Variants in EYS observed in about 807,000 individuals in gnomAD.
EYS encodes EGF-like photoreceptor maintenance factor, also known as protein eyes shut homolog.
EYS carries 250 observed loss-of-function variants against 282.1 expected under a neutral mutation model. The observed-to-expected ratio is 0.89, with a 90% CI of 0.80 to 0.98. The LOEUF is 0.98. Ranked by LOEUF, EYS falls within the 50% of genes least tolerant of loss-of-function variation. The pLI, the probability that EYS is intolerant of heterozygous loss-of-function variation, is 0.00. For synonymous variants in EYS, 1,355 were observed against 1,282.9 expected (o/e 1.06, Z -1.20); for missense variants, 4,016 against 3,709.0 (o/e 1.08, Z -2.15).
At chr6:64,766,652 ATAT>A (rs1562179997) in intron 22 of EYS, among the ~76,000 whole-genome samples, 1 of 48,554 alleles carries the variant, frequency 2.1e-5, no homozygotes, top group African/African-American at 8.7e-5. Flanking sequence ...AAAAAAAAAT[ATAT>A]ATATATATAT....
At chr6:63,830,453 T>C (rs1771598228) in intron 36 of EYS, among the ~76,000 whole-genome samples, 1 of 151,748 alleles carries the variant, frequency 6.6e-6, no homozygotes, top group African/African-American at 2.4e-5. Context: ...TTTGATCAAG[T>C]GGAAGAAAGG....
rs141468636 is a variant in EYS, at chr6:65,428,904, C to T, written c.863-23537G>A. Among the ~76,000 whole-genome samples the T allele has an allele frequency of 7.0e-3, 1,060 of 152,136 alleles. 13 individuals carry two copies. The highest frequency in any genetic ancestry group is 0.018 in the East Asian group (91 of 5,162). Reference sequence around the variant, plus strand: ...CCTATAAATAAAAGATGTTCTGAGCCGGGCGTGGTGGCTCATGCCTATAAT... The same window carrying T: ...CCTATAAATAAAAGATGTTCTGAGCTGGGCGTGGTGGCTCATGCCTATAAT... On this transcript the variant is annotated intron_variant, in intron 5 of 42. Transcript: ENST00000503581.
At chr6:64,202,189 T>A (rs912888644) in intron 31 of EYS, among the ~76,000 whole-genome samples, 81 of 152,220 alleles carry the variant, frequency 5.3e-4, no homozygotes, top group Non-Finnish European at 1.5e-5. Flanking sequence ...GTCTGCTCCA[T>A]GTGCTTTCCT....
intron 22 of EYS, among the ~76,000 whole-genome samples, chr6:64,705,488 T>A (rs1770972310): frequency 6.6e-6 from 1 of 151,762 alleles, no homozygotes; most frequent in Admixed American, 6.6e-5. Context: ...CTAAAATTCA[T>A]ATGGAACCAA....
chr6:65,563,292 A>G (rs951731042), intron 2 of EYS, among the ~76,000 whole-genome samples: 19 of 152,142 alleles, frequency 1.2e-4, no homozygotes, highest in African/African-American at 4.6e-4. Flanking sequence ...GCAAAATTAA[A>G]TCAAAATATC....
At chr6:65,515,051 G>A (rs1454688215) in intron 2 of EYS, among the ~76,000 whole-genome samples, 6 of 152,032 alleles carry the variant, frequency 3.9e-5, no homozygotes, top group Non-Finnish European at 2.9e-5. Context: ...TCTGACAAAG[G>A]GCTAATATCC....
At chr6:64,547,624 C>T (rs1764921804) in intron 26 of EYS, among the ~76,000 whole-genome samples, 1 of 152,196 alleles carries the variant, frequency 6.6e-6, no homozygotes, top group African/African-American at 2.4e-5. Context: ...TAAAGGTTCT[C>T]CAAGTTGCCA....
At chr6:63,732,069 GC>G (rs1306203257) in intron 41 of EYS, among the ~76,000 whole-genome samples, 1 of 151,860 alleles carries the variant, frequency 6.6e-6, no homozygotes, top group Admixed American at 6.6e-5. Context: ...TCAAGAGGAA[GC>G]TTTTGCTGAA....
intron 12 of EYS, among the ~76,000 whole-genome samples, chr6:65,252,079 C>G (rs1767340744): frequency 6.6e-6 from 1 of 151,758 alleles, no homozygotes. Context: ...ATTGCCTTTT[C>G]TTTTGCTTCT....
intron 31 of EYS, among the ~76,000 whole-genome samples, chr6:64,137,887 A>G (rs537337484): frequency 6.6e-6 from 1 of 152,324 alleles, no homozygotes; most frequent in South Asian, 2.1e-4. Flanking sequence ...CTGGTCACAG[A>G]GTCCTTACTT....
chr6:65,641,096 C>T (rs1008865118), intron 1 of EYS, among the ~76,000 whole-genome samples: 3 of 152,098 alleles, frequency 2.0e-5, no homozygotes, highest in Admixed American at 2.0e-4. Context: ...AATATGTTTT[C>T]CATATGTGCT....
chr6:65,543,950 T>C (rs926167987), intron 2 of EYS, among the ~76,000 whole-genome samples: 2 of 151,352 alleles, frequency 1.3e-5, no homozygotes, highest in African/African-American at 4.9e-5. Flanking sequence ...AGTGAAAAAT[T>C]TCAGTGTGAA....
At chr6:65,385,494 CT>C (rs1364620206) in intron 7 of EYS, among the ~76,000 whole-genome samples, 1 of 151,874 alleles carries the variant, frequency 6.6e-6, no homozygotes, top group Non-Finnish European at 1.5e-5. Context: ...TAATCATCCA[CT>C]TTTTTTCAGC....
intron 22 of EYS, among the ~76,000 whole-genome samples, chr6:64,702,343 T>C (rs1013010929): frequency 1.3e-5 from 2 of 152,026 alleles, no homozygotes; most frequent in African/African-American, 2.4e-5. Context: ...TTATTCAAAA[T>C]GCTCAATGTA....
chr6:63,833,212 G>A (rs1355654384), intron 36 of EYS, among the ~76,000 whole-genome samples: 3 of 152,026 alleles, frequency 2.0e-5, no homozygotes, highest in Non-Finnish European at 4.4e-5. Flanking sequence ...GGAAGTTCTG[G>A]CCAGGGCAAT....
chr6:64,414,965 A>G (rs964107645), intron 28 of EYS, among the ~76,000 whole-genome samples: 10 of 152,216 alleles, frequency 6.6e-5, no homozygotes, highest in Admixed American at 3.3e-4. Flanking sequence ...TACCTTTGAA[A>G]TAAAGTAGGA....
At chr6:65,676,221 T>C (rs1768583736) in intron 1 of EYS, among the ~76,000 whole-genome samples, 1 of 146,876 alleles carries the variant, frequency 6.8e-6, no homozygotes, top group African/African-American at 2.5e-5. Flanking sequence ...AAGGAAGGAA[T>C]TTTAATGATT....
chr6:64,037,679 A>G (rs948839328), intron 33 of EYS, among the ~76,000 whole-genome samples: 1 of 152,196 alleles, frequency 6.6e-6, no homozygotes. Flanking sequence ...ACTATGAAAC[A>G]ATGAATAAAC....
chr6:65,278,245 T>C (rs951007170), intron 12 of EYS, among the ~76,000 whole-genome samples: 7 of 142,710 alleles, frequency 4.9e-5, no homozygotes, highest in Non-Finnish European at 1.1e-4. Context: ...ATCATGTGGG[T>C]CAATTCCTTA....
Sources: gnomAD v4.1 joint callset for allele counts (sites outside exome capture counted in the v4.1 genomes callset) on GRCh38, gnomAD v4.1.1 for gene constraint, MANE v1.5 for transcripts, NCBI Gene and HGNC (gene_info 2026-07-23, HGNC 2026-07-21) for gene names.